Variants in CTNNA3 observed in about 807,000 individuals in gnomAD.
The protein encoded by CTNNA3 is catenin alpha 3.
CTNNA3 carries 76 observed loss-of-function variants against 95.7 expected under a neutral mutation model. The observed-to-expected ratio is 0.79, with a 90% CI of 0.66 to 0.96. The LOEUF (loss-of-function observed/expected upper bound fraction) is 0.96. CTNNA3 is among the 40% of genes least tolerant of loss of function. The pLI is 0.00. For synonymous variants in CTNNA3, 431 were observed against 374.4 expected, an observed-to-expected ratio of 1.15 and a Z score of -1.74; for missense variants, 1,191 against 1,089.8, an observed-to-expected ratio of 1.09 and a Z score of -1.31.
At chr10:66,255,993 T>C (rs1013356908) in intron 13 of CTNNA3, among the ~76,000 whole-genome samples, 4 of 152,210 alleles carry the variant, frequency 2.6e-5, no homozygotes, top group Non-Finnish European at 4.4e-5. Context: ...CTCATGCTCG[T>C]AATCCTAATG....
chr10:66,190,964 C>T (rs1255477942), intron 13 of CTNNA3, among the ~76,000 whole-genome samples: 1 of 151,968 alleles, frequency 6.6e-6, no homozygotes, highest in Admixed American at 6.6e-5. Context: ...AATTGTATGC[C>T]TGAGGAAGAT....
chr10:67,408,128 A>C (rs2132828408), intron 5 of CTNNA3, among the ~76,000 whole-genome samples: 1 of 152,350 alleles, frequency 6.6e-6, no homozygotes, highest in Admixed American at 6.5e-5. Context: ...ATGCTAATGA[A>C]TAGGAAGAAT....
At chr10:67,003,799 T>G (rs935189421) in intron 7 of CTNNA3, among the ~76,000 whole-genome samples, 1 of 152,186 alleles carries the variant, frequency 6.6e-6, no homozygotes, top group Admixed American at 6.6e-5. Flanking sequence ...AGGTTAATTT[T>G]GTTAATAGAT....
chr10:66,345,930 A>C (rs1251617741), intron 12 of CTNNA3, among the ~76,000 whole-genome samples: 1 of 151,336 alleles, frequency 6.6e-6, no homozygotes, highest in African/African-American at 2.4e-5. Flanking sequence ...TACAAAACTT[A>C]GCTGGGAGTG....
chr10:66,672,700 C>A (rs990300645), intron 9 of CTNNA3, among the ~76,000 whole-genome samples: 15 of 152,018 alleles, frequency 9.9e-5, no homozygotes, highest in Non-Finnish European at 1.3e-4. Context: ...CCCACAGAGA[C>A]CCTCCATCAC....
intron 13 of CTNNA3, among the ~76,000 whole-genome samples, chr10:66,268,566 G>A (rs952889112): frequency 2.0e-5 from 3 of 152,170 alleles, no homozygotes; most frequent in African/African-American, 4.8e-5. Context: ...TAGAATGTGA[G>A]AGCATGATAC....
chr10:67,288,745 GACC>G (rs1362437932), intron 5 of CTNNA3, among the ~76,000 whole-genome samples: 1 of 152,216 alleles, frequency 6.6e-6, no homozygotes, highest in East Asian at 1.9e-4. Flanking sequence ...TCAAATTCTG[GACC>G]CAAAGAAAGT....
intron 1 of CTNNA3, among the ~76,000 whole-genome samples, chr10:67,695,133 C>A (rs1241632286): frequency 6.6e-6 from 1 of 152,164 alleles, no homozygotes; most frequent in Non-Finnish European, 1.5e-5. Context: ...AAAAAGCTAG[C>A]CACAAACCCA....
intron 5 of CTNNA3, among the ~76,000 whole-genome samples, chr10:67,384,241 T>A (rs1029797714): frequency 6.6e-6 from 1 of 152,112 alleles, no homozygotes; most frequent in Non-Finnish European, 1.5e-5. Context: ...TGGCTGCAAA[T>A]TTGGCTCCTT....
chr10:66,952,343 C>T (rs1848578607), intron 7 of CTNNA3, among the ~76,000 whole-genome samples: 1 of 152,210 alleles, frequency 6.6e-6, no homozygotes, highest in Non-Finnish European at 1.5e-5. Context: ...AGAGCTACTA[C>T]CTTTCAACAG....
chr10:66,707,346 A>G, intron 9 of CTNNA3, among the ~76,000 whole-genome samples: 1 of 152,116 alleles, frequency 6.6e-6, no homozygotes, highest in East Asian at 1.9e-4. Context: ...CGATGGCCAC[A>G]GTGCATTTTA....
intron 11 of CTNNA3, among the ~76,000 whole-genome samples, chr10:66,392,533 C>T (rs538464150): frequency 3.9e-5 from 6 of 152,154 alleles, no homozygotes; most frequent in African/African-American, 1.2e-4. Flanking sequence ...ACAAATAATT[C>T]TTAAAATTCA....
At chr10:66,565,543 G>A (rs1010761156) in intron 10 of CTNNA3, among the ~76,000 whole-genome samples, 3 of 152,092 alleles carry the variant, frequency 2.0e-5, no homozygotes, top group African/African-American at 7.2e-5. Context: ...GACTTTTACC[G>A]AACATCAAAT....
chr10:67,645,966 G>A (rs12415684), intron 2 of CTNNA3, among the ~76,000 whole-genome samples: 37,702 of 147,086 alleles, frequency 0.26, 8,179 homozygotes, highest in African/African-American at 0.57. Flanking sequence ...ATATATATAC[G>A]TGTAAGGATA....
At chr10:66,361,297 A>G (rs956466913) in intron 12 of CTNNA3, among the ~76,000 whole-genome samples, 6 of 149,994 alleles carry the variant, frequency 4.0e-5, no homozygotes, top group Admixed American at 1.3e-4. Context: ...TAAACCAACA[A>G]GAATCCTCCC....
intron 17 of CTNNA3, among the ~76,000 whole-genome samples, chr10:65,937,243 C>T (rs543188116): frequency 6.6e-6 from 1 of 151,914 alleles, no homozygotes; most frequent in African/African-American, 2.4e-5. Context: ...GAGTTGTTTC[C>T]CTTTCTTTAA....
At chr10:66,906,309 A>G (rs1845984738) in intron 7 of CTNNA3, among the ~76,000 whole-genome samples, 1 of 152,152 alleles carries the variant, frequency 6.6e-6, no homozygotes, top group Non-Finnish European at 1.5e-5. Context: ...TCAAACCTGG[A>G]TCTGATCAAA....
chr10:67,363,265 T>C (rs544220766), intron 5 of CTNNA3, among the ~76,000 whole-genome samples: 149 of 152,108 alleles, frequency 9.8e-4, no homozygotes, highest in African/African-American at 3.5e-3. Context: ...AAAAAAAATT[T>C]CTGAAACTCA....
chr10:66,712,641 A>G (rs1220000277), intron 9 of CTNNA3, among the ~76,000 whole-genome samples: 1 of 146,916 alleles, frequency 6.8e-6, no homozygotes, highest in Admixed American at 6.7e-5. Flanking sequence ...TGAATATACC[A>G]TCAACTTTCA....
Sources: gnomAD v4.1 joint callset for allele counts (sites outside exome capture counted in the v4.1 genomes callset) on GRCh38, gnomAD v4.1.1 for gene constraint, MANE v1.5 for transcripts, NCBI Gene and HGNC (gene_info 2026-07-23, HGNC 2026-07-21) for gene names.